NELL2: variants seen among roughly 807,000 people sequenced by gnomAD.
NELL2 encodes the protein neural EGFL like 2.
A neutral mutation model predicts 109.6 loss-of-function variants in NELL2; 41 were observed. The ratio of observed to expected loss-of-function variants is 0.37; its 90% CI spans 0.29 to 0.49. NELL2 has a LOEUF of 0.49. NELL2 is among the 20% of genes least tolerant of loss of function. The probability of loss-of-function intolerance (pLI) is 0.98; values close to 1 mark genes in which losing one functional copy is unlikely to be tolerated. For missense variants in NELL2, 900 were observed against 1,008.3 expected (o/e 0.89, Z 1.45); for synonymous variants, 355 against 344.7 (o/e 1.03, Z -0.33).
Position 44,624,361 on chromosome 12 carries a change from C to T in NELL2, c.1445-13391G>A, listed in dbSNP as rs552742585. On this transcript the variant is annotated intron_variant, in intron 13 of 19. Transcript: ENST00000429094. ...CTTTAAAATAATGTACCCTTCTCCC[C>T]AACTGCAAGTGTATATTTTAATTAC... Among the ~76,000 whole-genome samples, 67 of 152,190 alleles carry T rather than the reference C, an allele frequency of 4.4e-4. 2 individuals carry two copies. The highest frequency in any genetic ancestry group is 1.6e-3 in the African/African-American group (66 of 41,516).
intron 19 of NELL2, among the ~76,000 whole-genome samples, chr12:44,511,498 G>C (rs917449681): frequency 1.3e-5 from 2 of 152,194 alleles, no homozygotes; most frequent in Non-Finnish European, 2.9e-5. Context: ...AAGGAAAGCA[G>C]AAAGCCACAA....
intron 1 of NELL2, among the ~76,000 whole-genome samples, chr12:44,912,928 T>G (rs1159292406): frequency 6.6e-6 from 1 of 152,154 alleles, no homozygotes; most frequent in Non-Finnish European, 1.5e-5. Context: ...GCAAATTACT[T>G]AACCTCTCTG....
At chr12:44,754,109 T>C (rs1048558490) in intron 9 of NELL2, among the ~76,000 whole-genome samples, 2 of 152,170 alleles carry the variant, frequency 1.3e-5, no homozygotes, top group African/African-American at 2.4e-5. Context: ...TTTGGAAATA[T>C]AGGGAAAGCT....
In NELL2 at chr12:44,665,586, G is replaced by T. The variant is rs183846411; in HGVS notation, c.1342C>A (p.Arg448Ser). ...CEDIDECAEG[R>S]HYCRENTMCV... The stretch of plus-strand genomic sequence containing the variant: ...ATTGTATTTTCACGACAGTAATGGC[G>T]CCCTTCAGCACACTCATCGATGTCT... Residue 448 changes from arginine to serine, a missense_variant, in exon 13 of 20, where the codon CGC (arginine) becomes AGC (serine). This residue lies in a region of NELL2 where 292 missense variants were observed against 265.3 expected (regional missense o/e 1.10). Coordinates refer to ENST00000429094, the MANE Select transcript of NELL2 (RefSeq NM_001145108.2). 3 of 1,613,102 alleles carry T rather than the reference G, an allele frequency of 1.9e-6. No homozygotes were observed. The highest frequency in any genetic ancestry group is 2.5e-6 in the Non-Finnish European group (3 of 1,179,310).
At chr12:44,827,118 G>A (rs1296949019) in intron 2 of NELL2, among the ~76,000 whole-genome samples, 1 of 152,092 alleles carries the variant, frequency 6.6e-6, no homozygotes. Context: ...TGAAACGTAT[G>A]AGTTCCCCAC....
chr12:44,547,120 G>C (rs1267879514), intron 15 of NELL2, among the ~76,000 whole-genome samples: 1 of 152,082 alleles, frequency 6.6e-6, no homozygotes, highest in African/African-American at 2.4e-5. Flanking sequence ...AGTTTTCTGT[G>C]GCAGAACATA....
chr12:44,876,574 G>C (rs370035929), upstream of NELL2: 30 of 1,499,820 alleles, frequency 2.0e-5, no homozygotes, highest in East Asian at 6.2e-4. Flanking sequence ...CTAAATCCAA[G>C]GTGCTAAGTT....
intron 9 of NELL2, among the ~76,000 whole-genome samples, chr12:44,768,671 T>C: frequency 6.6e-6 from 1 of 152,212 alleles, no homozygotes; most frequent in East Asian, 1.9e-4. Context: ...AAATTCCTTA[T>C]TCACTACAGA....
chr12:44,741,421 G>A lies in NELL2; in HGVS notation c.995-26680C>T, dbSNP rs551946121. ...TTTCTGCATTTCCAACTGAAGTACC[G>A]GGTTCATCCCACTGGGGAGTGCCAG... On this transcript the variant is annotated intron_variant, in intron 9 of 19. Coordinates refer to ENST00000429094, the MANE Select transcript of NELL2 (RefSeq NM_001145108.2). Among the ~76,000 whole-genome samples the A allele has an allele frequency of 2.0e-3, 298 of 152,274 alleles. 2 individuals carry two copies. The highest frequency in any genetic ancestry group is 6.4e-3 in the African/African-American group (266 of 41,570).
At chr12:44,548,359 ATAG>A (rs1194119513) in intron 15 of NELL2, among the ~76,000 whole-genome samples, 2 of 152,202 alleles carry the variant, frequency 1.3e-5, no homozygotes, top group African/African-American at 4.8e-5. Context: ...CCTGGCCAAC[ATAG>A]TGAAAACCAG....
chr12:44,761,641 G>A (rs1941130444), intron 9 of NELL2, among the ~76,000 whole-genome samples: 2 of 152,130 alleles, frequency 1.3e-5, no homozygotes, highest in South Asian at 4.1e-4. Flanking sequence ...GCCCATCAAT[G>A]TAATGACTGG....
chr12:44,567,351 T>C, intron 15 of NELL2, among the ~76,000 whole-genome samples: 1 of 152,176 alleles, frequency 6.6e-6, no homozygotes, highest in East Asian at 1.9e-4. Context: ...AAAACTATGA[T>C]CAAATAGAAA....
intron 12 of NELL2, 110 bp downstream of exon 12, chr12:44,703,616 A>G: frequency 8.9e-7 from 1 of 1,121,722 alleles, no homozygotes; most frequent in Non-Finnish European, 1.3e-6. Context: ...AATTAAATTC[A>G]CTGCTTTTAA....
At chr12:44,768,054 T>C (rs1328809057) in intron 9 of NELL2, among the ~76,000 whole-genome samples, 1 of 152,182 alleles carries the variant, frequency 6.6e-6, no homozygotes, top group Non-Finnish European at 1.5e-5. Context: ...CACTGTGACA[T>C]TGTAATCACT....
chr12:44,563,182 G>T (rs1227471171), intron 15 of NELL2, among the ~76,000 whole-genome samples: 2 of 152,132 alleles, frequency 1.3e-5, no homozygotes, highest in Non-Finnish European at 2.9e-5. Flanking sequence ...GGAGACAGGG[G>T]AGGGATAGCA....
rs575970212 is a variant in NELL2, at chr12:44,812,466, ATTAT to A, written c.335+3516_335+3519del. 1.6e-4 allele frequency among the ~76,000 whole-genome samples: 24 copies of A among 152,282 alleles called. No homozygotes were observed. The East Asian group carries it at 4.6e-3, about 29-fold the overall frequency. ...TGCCAAGAATGGTTGAATTATCCTA[ATTAT>A]TTAACAAGGTTTTTATCCTTTTGTT... On this transcript the variant is annotated intron_variant, in intron 3 of 19. Coordinates refer to ENST00000429094, the MANE Select transcript of NELL2 (RefSeq NM_001145108.2).
chr12:44,797,598 T>C (rs1266620164), intron 3 of NELL2, among the ~76,000 whole-genome samples: 1 of 151,716 alleles, frequency 6.6e-6, no homozygotes, highest in South Asian at 2.1e-4. Flanking sequence ...TTTTCTGATA[T>C]AAAATAATAG....
At chr12:44,803,660 A>G (rs1269546976) in intron 3 of NELL2, among the ~76,000 whole-genome samples, 1 of 152,024 alleles carries the variant, frequency 6.6e-6, no homozygotes, top group Non-Finnish European at 1.5e-5. Context: ...TACATGCTGC[A>G]TATATGTGAT....
At chr12:44,911,522 G>A (rs1234823062) in intron 1 of NELL2, among the ~76,000 whole-genome samples, 3 of 151,836 alleles carry the variant, frequency 2.0e-5, no homozygotes, top group African/African-American at 7.2e-5. Context: ...GTAAATGCCT[G>A]TTTAATCCTT....
Sources: allele counts gnomAD v4.1 joint callset (sites outside exome capture counted in the v4.1 genomes callset), GRCh38; gene constraint gnomAD v4.1.1; regional missense constraint gnomAD v4.1.1; transcripts MANE v1.5; gene names NCBI Gene and HGNC (gene_info 2026-07-23, HGNC 2026-07-21).